Variants in CNTN5 observed in about 807,000 individuals in gnomAD.
CNTN5 encodes contactin-5.
Under a neutral mutation model 129.1 loss-of-function variants are expected in CNTN5, and 77 were observed. The ratio of observed to expected loss-of-function variants is 0.60; its 90% confidence interval spans 0.50 to 0.72. CNTN5 has a LOEUF of 0.72. Among genes scored for constraint, CNTN5 ranks in the 30% least tolerant of loss-of-function variants. The pLI is 0.00. For synonymous variants in CNTN5, 509 were observed against 465.6 expected (o/e 1.09, Z -1.20); for missense variants, 1,478 against 1,328.8 (o/e 1.11, Z -1.75).
chr11:99,919,571 C>T (rs1179464003), intron 7 of CNTN5, among the ~76,000 whole-genome samples: 1 of 152,064 alleles, frequency 6.6e-6, no homozygotes, highest in East Asian at 1.9e-4. Context: ...ATTTTTGTCT[C>T]TACTCTCTTT....
At chr11:99,803,743 AG>A (rs1413338255) in intron 3 of CNTN5, among the ~76,000 whole-genome samples, 2 of 152,222 alleles carry the variant, frequency 1.3e-5, no homozygotes, top group African/African-American at 4.8e-5. Flanking sequence ...GGTGAATCAC[AG>A]AGGGTGGCTG....
chr11:99,242,486 C>A (rs1037917046), intron 1 of CNTN5, among the ~76,000 whole-genome samples: 2 of 151,448 alleles, frequency 1.3e-5, no homozygotes, highest in Admixed American at 1.3e-4. Context: ...CTTTTTTTTT[C>A]TTTCAACTTT....
intron 1 of CNTN5, among the ~76,000 whole-genome samples, chr11:99,117,043 A>G (rs1198872589): frequency 6.6e-6 from 1 of 152,118 alleles, no homozygotes; most frequent in Non-Finnish European, 1.5e-5. Flanking sequence ...AAAGATAAAT[A>G]GTAAAAGAGG....
At chr11:100,066,312 C>A (rs1362056333) in intron 10 of CNTN5, among the ~76,000 whole-genome samples, 1 of 152,078 alleles carries the variant, frequency 6.6e-6, no homozygotes, top group Non-Finnish European at 1.5e-5. Context: ...TAACACATTA[C>A]CTCTCATTGG....
At chr11:99,187,422 A>T (rs2135581822) in intron 1 of CNTN5, among the ~76,000 whole-genome samples, 1 of 125,072 alleles carries the variant, frequency 8.0e-6, no homozygotes, top group East Asian at 2.3e-4. Flanking sequence ...TACAAATTAC[A>T]ATTTGTTATA....
At chr11:99,178,098 G>A (rs930096643) in intron 1 of CNTN5, among the ~76,000 whole-genome samples, 2 of 151,852 alleles carry the variant, frequency 1.3e-5, no homozygotes, top group African/African-American at 4.8e-5. Context: ...GGAAAGGAAA[G>A]TAAAAAGACA....
intron 2 of CNTN5, among the ~76,000 whole-genome samples, chr11:99,378,325 C>T (rs1216617434): frequency 6.6e-6 from 1 of 152,066 alleles, no homozygotes; most frequent in Middle Eastern, 3.4e-3. Context: ...GTCATCCTAC[C>T]CACTTTTATT....
At chr11:99,218,465 C>G (rs774827567) in intron 1 of CNTN5, among the ~76,000 whole-genome samples, 4 of 152,038 alleles carry the variant, frequency 2.6e-5, no homozygotes, top group Non-Finnish European at 5.9e-5. Flanking sequence ...GACCTAAAGT[C>G]CTGTATGTTG....
At chr11:99,369,089 A>G (rs1939649348) in intron 2 of CNTN5, among the ~76,000 whole-genome samples, 1 of 125,310 alleles carries the variant, frequency 8.0e-6, no homozygotes, top group Non-Finnish European at 1.8e-5. Flanking sequence ...CTTGCTGATT[A>G]TATTTCAAAG....
At chr11:99,815,195 A>G (rs1360693119) in intron 3 of CNTN5, among the ~76,000 whole-genome samples, 1 of 151,060 alleles carries the variant, frequency 6.6e-6, no homozygotes, top group African/African-American at 2.4e-5. Flanking sequence ...ACACACTTAA[A>G]TGTAGCAAGG....
At chr11:100,249,000 T>A (rs1317511255) in intron 16 of CNTN5, among the ~76,000 whole-genome samples, 4 of 152,190 alleles carry the variant, frequency 2.6e-5, no homozygotes, top group Non-Finnish European at 5.9e-5. Context: ...AAGAAGACTC[T>A]TTTTGCCTCT....
intron 8 of CNTN5, among the ~76,000 whole-genome samples, chr11:99,991,283 C>T (rs981347118): frequency 1.5e-4 from 23 of 152,012 alleles, no homozygotes; most frequent in African/African-American, 4.6e-4. Flanking sequence ...CTGACTAACA[C>T]GGTGAAACCC....
chr11:99,280,581 C>T (rs1157740548), intron 1 of CNTN5, among the ~76,000 whole-genome samples: 1 of 151,126 alleles, frequency 6.6e-6, no homozygotes, highest in Non-Finnish European at 1.5e-5. Context: ...AAAAAATGAA[C>T]AAACCAAAAT....
At chr11:99,845,304 G>T (rs1188688839) in intron 6 of CNTN5, 42 bp downstream of exon 6, 7 of 982,848 alleles carry the variant, frequency 7.1e-6, no homozygotes, top group Non-Finnish European at 9.8e-6. Context: ...TGTATATAGT[G>T]TGTATATACA....
chr11:99,382,844 A>AGTTTTT (rs774797660), intron 2 of CNTN5, among the ~76,000 whole-genome samples: 910 of 69,174 alleles, frequency 0.013, 148 homozygotes, highest in Middle Eastern at 0.043. Flanking sequence ...TCTCTAAATA[A>AGTTTTT]CTTTTTTTTT....
At chr11:100,084,956 A>C (rs942935299) in intron 13 of CNTN5, among the ~76,000 whole-genome samples, 10 of 152,096 alleles carry the variant, frequency 6.6e-5, no homozygotes. Context: ...AATGCATACA[A>C]ATTGATTGTG....
intron 3 of CNTN5, among the ~76,000 whole-genome samples, chr11:99,569,302 A>ATTATTTAT (rs148620617): frequency 2.2e-3 from 336 of 150,238 alleles, no homozygotes; most frequent in African/African-American, 2.5e-3. Context: ...TTTTATTTTT[A>ATTATTTAT]TTATTTATTT....
At chr11:99,941,517 G>T (rs747767287) in intron 7 of CNTN5, among the ~76,000 whole-genome samples, 1 of 144,644 alleles carries the variant, frequency 6.9e-6, no homozygotes, top group Non-Finnish European at 1.5e-5. Context: ...TCTTCCCTAA[G>T]AAAACACTTA....
At chr11:99,723,834 T>C (rs764371180) in intron 3 of CNTN5, among the ~76,000 whole-genome samples, 1 of 152,236 alleles carries the variant, frequency 6.6e-6, no homozygotes, top group East Asian at 1.9e-4. Flanking sequence ...ATAGATCTTA[T>C]AATCTTCCTT....
Sources: gnomAD v4.1 joint callset for allele counts (sites outside exome capture counted in the v4.1 genomes callset) on GRCh38, gnomAD v4.1.1 for gene constraint, MANE v1.5 for transcripts, NCBI Gene and HGNC (gene_info 2026-07-23, HGNC 2026-07-21) for gene names.